Variants in ALAS1 observed in about 807,000 individuals in gnomAD.
The protein encoded by ALAS1 is 5-aminolevulinate synthase, non-specific, mitochondrial.
ALAS1 carries 29 observed loss-of-function variants against 59.6 expected under a neutral mutation model. The observed-to-expected ratio is 0.49, with a 90% confidence interval of 0.36 to 0.66. ALAS1 has a LOEUF of 0.66. ALAS1 is among the 30% of genes least tolerant of loss of function. ALAS1 has a pLI of 0.00. For missense variants in ALAS1, 690 were observed against 807.5 expected, an observed-to-expected ratio of 0.85 and a Z score of 1.76; for synonymous variants, 299 against 296.6, an observed-to-expected ratio of 1.01 and a Z score of -0.08.
chr3:52,209,565 T>G (rs1699364368), intron 9 of ALAS1, among the ~76,000 whole-genome samples: 1 of 152,218 alleles, frequency 6.6e-6, no homozygotes, highest in Non-Finnish European at 1.5e-5. Context: ...GTATGGTCAT[T>G]GTGAGATGGA....
intron 3 of ALAS1, among the ~76,000 whole-genome samples, chr3:52,202,206 C>T (rs996997261): frequency 6.6e-6 from 1 of 152,024 alleles, no homozygotes; most frequent in Non-Finnish European, 1.5e-5. Flanking sequence ...ACAAATTAGC[C>T]AGGCATGGTG....
At chr3:52,202,485 C>G (rs1699206689) in intron 3 of ALAS1, 22 bp from the exon 4 acceptor site, 2 of 1,592,838 alleles carry the variant, frequency 1.3e-6, no homozygotes, top group African/African-American at 2.7e-5. Context: ...TGATGCTTCA[C>G]TTTTTCCATT....
At position 52,198,736 on chromosome 3, in the gene ALAS1, G is replaced by T. The variant is rs1699123150; in HGVS notation, c.-145G>T. On this transcript the variant is annotated 5_prime_UTR_variant, in exon 2 of 12. Coordinates refer to ENST00000484952, the MANE Select transcript of ALAS1 (RefSeq NM_000688.6). ...AGGAATCCTTGCTTCAGGGACTCGG[G>T]ACCCTGCTGGACCCCTTCCTCGGGT... The T allele has an allele frequency of 1.4e-6, 2 of 1,435,208 alleles. No individual in the cohort carries two copies. Among genetic ancestry groups the T allele is most frequent in the African/African-American group, 1.4e-5 (1 of 70,974 alleles). 88.9% of individuals were successfully genotyped at this position (1,435,208 alleles called of 1,614,324 possible).
Position 52,199,345 on chromosome 3 carries a change from A to T in ALAS1, c.104A>T (p.Lys35Met). The T allele has an allele frequency of 6.2e-7, 1 of 1,614,230 alleles. No homozygotes were observed. Among genetic ancestry groups the T allele is most frequent in the Non-Finnish European group, 8.5e-7 (1 of 1,180,036 alleles). Residue 35 changes from lysine to methionine, a missense_variant, in exon 3 of 12, where the codon AAG becomes ATG. Lys to Met is a moderately conservative substitution (Grantham distance 95). Transcript: ENST00000484952. ...SLLFYAQNCP[K>M]MMEVGAKPAP... Reference sequence around the variant, plus strand: ...TTGTTCTATGCCCAAAACTGCCCCAAGATGATGGAAGTTGGGGCCAAGCCA... The same window carrying T: ...TTGTTCTATGCCCAAAACTGCCCCATGATGATGGAAGTTGGGGCCAAGCCA...
chr3:52,198,118 G>T (rs544123932), upstream of ALAS1: 3 of 398,158 alleles, frequency 7.5e-6, no homozygotes, highest in East Asian at 3.6e-5. Flanking sequence ...ATGCGCAGCG[G>T]TCACTCCCGC....
chr3:52,207,980 A>G (rs1332387361), intron 8 of ALAS1, 103 bp from the exon 9 acceptor site: 1 of 1,195,648 alleles, frequency 8.4e-7, no homozygotes, highest in African/African-American at 1.6e-5. Flanking sequence ...CAATATTGAA[A>G]ATGATACCTT....
rs1238675007 is a variant in ALAS1 at position 52,199,784 on chromosome 3, T to G, written c.199+344T>G. On this transcript the variant is annotated intron_variant, in intron 3 of 11. Transcript: ENST00000484952. Reference sequence around the variant, plus strand: ...CCTCATTAAACATTTAGCCTTCTAATTTCCCTCATTAAACATTTGGCCTTC... The same window carrying G: ...CCTCATTAAACATTTAGCCTTCTAAGTTCCCTCATTAAACATTTGGCCTTC... 3.9e-5 allele frequency among the ~76,000 whole-genome samples: 6 copies of G among 152,254 alleles called. No homozygotes were observed. The South Asian group carries it at 1.0e-3, about 26-fold the overall frequency.
intron 11 of ALAS1, among the ~76,000 whole-genome samples, chr3:52,212,801 G>A (rs1395722385): frequency 6.6e-6 from 1 of 152,190 alleles, no homozygotes; most frequent in Admixed American, 6.5e-5. Flanking sequence ...AAAGTGCTGG[G>A]ATTACAGGTG....
At chr3:52,206,173 G>A in intron 7 of ALAS1, 150 bp downstream of exon 7, 2 of 783,192 alleles carry the variant, frequency 2.6e-6, no homozygotes, top group Non-Finnish European at 2.0e-6. Flanking sequence ...ATGAAATGCT[G>A]ACTGTACATT....
In ALAS1 at chr3:52,204,841, A is replaced by G. The variant is rs373944392; in HGVS notation, c.726A>G (p.Lys242=). 2 of 1,614,078 alleles carry G rather than the reference A, an allele frequency of 1.2e-6. No individual in the cohort carries two copies. The highest frequency in any genetic ancestry group is 1.7e-6 in the Non-Finnish European group (2 of 1,180,040). ...ADDYSDSLIT[K]KQVSVWCSND... is the part of the protein sequence containing the mutation. ...ACTATTCAGACTCCCTCATCACCAA[A>G]AAGCAAGTGTCAGTCTGGTGCAGTA... Residue 242 remains lysine (K), a synonymous_variant, in exon 6 of 12, where the codon AAA becomes AAG. Coordinates refer to ENST00000484952, the MANE Select transcript of ALAS1 (RefSeq NM_000688.6).
In ALAS1 at chr3:52,207,992, G is replaced by A. The variant is rs996454796; in HGVS notation, c.1166-91G>A. 1.3e-5 allele frequency: 17 copies of A among 1,283,316 alleles called. No individual in the cohort carries two copies. In the African/African-American group the frequency reaches 2.6e-4, roughly 20 times the overall value. The allele number at this position is 1,283,316 out of a possible 1,614,324, so 79.5% of individuals were successfully genotyped here. A position where few individuals can be genotyped will look rare whatever the true frequency, so the allele number is the denominator to read the frequency against. ...TTCCAATATTGAAAATGATACCTTAGAATAGAAGTTTACGTTGTTCTGACT... is the reference window on the plus strand; with the variant it reads ...TTCCAATATTGAAAATGATACCTTAAAATAGAAGTTTACGTTGTTCTGACT... On this transcript the variant is annotated intron_variant, in intron 8 of 11. Transcript: ENST00000484952.
At chr3:52,198,589 T>C in intron 1 of ALAS1, 83 bp from the exon 2 acceptor site, 1 of 589,486 alleles carries the variant, frequency 1.7e-6, no homozygotes, top group Non-Finnish European at 3.0e-6. Flanking sequence ...TCCCTCGACT[T>C]TATAAGCCCC....
intron 3 of ALAS1, among the ~76,000 whole-genome samples, chr3:52,200,676 C>A (rs780898077): frequency 1.1e-4 from 17 of 152,154 alleles, no homozygotes; most frequent in Non-Finnish European, 2.2e-4. Flanking sequence ...GTAGAGGTTG[C>A]AGTGAGCTGA....
At chr3:52,208,027 A>G (rs1699329538) in intron 8 of ALAS1, 56 bp from the exon 9 acceptor site, 4 of 1,470,428 alleles carry the variant, frequency 2.7e-6, no homozygotes, top group East Asian at 5.0e-5. Context: ...TCTAACCAAA[A>G]CAGAAATTTC....
Position 52,202,516 on chromosome 3 carries a change from C to A in ALAS1, c.209C>A (p.Thr70Asn), listed in dbSNP as rs1699207661. ...CCATTTCCTCCCTCAGAAGACAAAA[C>A]TGCTAAGGCCAAGGTCCAACAGACT... ...ETPPASEKDK[T>N]AKAKVQQTPD... Residue 70 changes from threonine (T) to asparagine (N), a missense_variant, in exon 4 of 12, where the codon ACT becomes AAT. Physicochemically the swap from Thr to Asn is moderately conservative, Grantham distance 65 (BLOSUM62 0). Transcript: ENST00000484952. 1.2e-6 allele frequency: 2 copies of A among 1,611,824 alleles called. No individual in the cohort carries two copies. The highest frequency in any genetic ancestry group is 1.7e-5 in the Admixed American group (1 of 59,972).
rs1699137314 is a variant in ALAS1 at position 52,199,329 on chromosome 3, G to C, written c.88G>C (p.Ala30Pro). The change falls in exon 3 of 12, where the codon GCC becomes CCC. Residue 30 changes from alanine to proline, a missense_variant. Coordinates refer to ENST00000484952, the MANE Select transcript of ALAS1 (RefSeq NM_000688.6). ...AGCAGGCAAATCTCTGTTGTTCTAT[G>C]CCCAAAACTGCCCCAAGATGATGGA... ...QKAGKSLLFY[A>P]QNCPKMMEVG... 1 of 1,614,072 alleles carries C rather than the reference G, an allele frequency of 6.2e-7. No individual in the cohort carries two copies. Among genetic ancestry groups the C allele is most frequent in the Non-Finnish European group, 8.5e-7 (1 of 1,180,034 alleles).
intron 2 of ALAS1, 74 bp from the exon 3 acceptor site, chr3:52,199,136 T>C: frequency 6.8e-7 from 1 of 1,467,124 alleles, no homozygotes; most frequent in Non-Finnish European, 9.4e-7. Context: ...AAACTGCGGT[T>C]GACACCTGAA....
At chr3:52,205,740 A>G (rs1699278481) in intron 6 of ALAS1, 99 bp from the exon 7 acceptor site, 3 of 1,181,084 alleles carry the variant, frequency 2.5e-6, no homozygotes, top group South Asian at 1.6e-5. Flanking sequence ...TGCTACATCA[A>G]CATGTTTCAG....
At chr3:52,199,187 C>A in intron 2 of ALAS1, 23 bp from the exon 3 acceptor site, 1 of 1,609,424 alleles carries the variant, frequency 6.2e-7, no homozygotes. Flanking sequence ...TTATTAACAA[C>A]TGTTGATGTC....
Sources: allele counts gnomAD v4.1 joint callset (sites outside exome capture counted in the v4.1 genomes callset), GRCh38; gene constraint gnomAD v4.1.1; transcripts MANE v1.5; gene names NCBI Gene and HGNC (gene_info 2026-07-23, HGNC 2026-07-21).